Variants in PTBP2 observed in about 807,000 individuals in gnomAD.
PTBP2 encodes polypyrimidine tract-binding protein 2.
In PTBP2, 13 loss-of-function variants were observed where a neutral mutation model predicts 61.4. That is an observed-to-expected ratio of 0.21 (90% CI 0.14 to 0.34). PTBP2 has a LOEUF of 0.34. Ranked by LOEUF, PTBP2 falls within the 10% of genes least tolerant of loss-of-function variation. The probability of loss-of-function intolerance (pLI) is 1.00; values close to 1 mark genes in which losing one functional copy is unlikely to be tolerated. For missense variants in PTBP2, 405 were observed against 642.6 expected (o/e 0.63, Z 4.00); for synonymous variants, 215 against 218.5 (o/e 0.98, Z 0.14).
downstream of PTBP2, chr1:96,816,982 T>C (rs1046611603): frequency 6.6e-6 from 1 of 152,156 alleles, no homozygotes; most frequent in African/African-American, 2.4e-5. Flanking sequence ...TTTAAAATTA[T>C]TTACTAGTTT....
At chr1:96,743,699 T>C (rs1653358531) in intron 2 of PTBP2, among the ~76,000 whole-genome samples, 1 of 152,218 alleles carries the variant, frequency 6.6e-6, no homozygotes, top group Admixed American at 6.5e-5. Flanking sequence ...ACCTCCAGTA[T>C]AATCAATATG....
chr1:96,810,080 T>A (rs1046285598), intron 11 of PTBP2, among the ~76,000 whole-genome samples: 2 of 142,470 alleles, frequency 1.4e-5, no homozygotes, highest in Non-Finnish European at 3.0e-5. Flanking sequence ...CCACATCATA[T>A]AAACACCACT....
chr1:96,817,009 G>A (rs1443279249), downstream of PTBP2: 1 of 152,164 alleles, frequency 6.6e-6, no homozygotes, highest in Non-Finnish European at 1.5e-5. Flanking sequence ...GCAGAAAGAT[G>A]TAAAATGCAG....
chr1:96,739,618 G>GTTT (rs772410191), intron 2 of PTBP2, among the ~76,000 whole-genome samples: 8 of 83,800 alleles, frequency 9.5e-5, no homozygotes, highest in Non-Finnish European at 1.5e-4. Flanking sequence ...ACTGGTGTGT[G>GTTT]TTTTTTTTTT....
intron 8 of PTBP2, among the ~76,000 whole-genome samples, chr1:96,796,909 A>G (rs1660452789): frequency 6.6e-6 from 1 of 152,230 alleles, no homozygotes; most frequent in Non-Finnish European, 1.5e-5. Flanking sequence ...TTGAATGACC[A>G]TTACAAAAAG....
At chr1:96,748,436 AT>A (rs34168312) in intron 2 of PTBP2, among the ~76,000 whole-genome samples, 4 of 151,280 alleles carry the variant, frequency 2.6e-5, no homozygotes, top group Admixed American at 6.6e-5. Context: ...GCTTTTGCAC[AT>A]TTTTTTTTAA....
intron 3 of PTBP2, among the ~76,000 whole-genome samples, chr1:96,756,752 A>G (rs186839462): frequency 6.6e-6 from 1 of 152,320 alleles, no homozygotes; most frequent in Non-Finnish European, 1.5e-5. Context: ...GGAGACAGTA[A>G]AAATCAGTGG....
Position 96,751,477 on chromosome 1 carries a change from A to C in PTBP2, c.92A>C (p.Asn31Thr), listed in dbSNP as rs746830731. ...SGSVLSSPNS[N>T]MSSMVVTANG... ...AGTGTTCTCAGTAGTCCGAACTCTA[A>C]TATGAGCAGCATGGTAGTTACAGGT... The change falls in exon 3 of 14, where the codon AAT (asparagine) becomes ACT (threonine). Residue 31 changes from asparagine to threonine, a missense_variant. By Grantham distance (65) the Asn-to-Thr change is moderately conservative. This residue lies in a region of PTBP2 where 342 missense variants were observed against 491.2 expected (regional missense o/e 0.70). Transcript: ENST00000674951. The C allele has an allele frequency of 1.2e-6, 2 of 1,612,892 alleles. No individual in the cohort carries two copies. Among genetic ancestry groups the C allele is most frequent in the Admixed American group, 1.7e-5 (1 of 59,980 alleles).
intron 2 of PTBP2, among the ~76,000 whole-genome samples, chr1:96,741,323 T>G (rs1652988724): frequency 6.6e-6 from 1 of 152,100 alleles, no homozygotes; most frequent in Non-Finnish European, 1.5e-5. Context: ...GTGCAGTGGC[T>G]CGGTCACAGT....
At chr1:96,811,573 C>T (rs1025969492) in intron 11 of PTBP2, among the ~76,000 whole-genome samples, 6 of 152,110 alleles carry the variant, frequency 3.9e-5, no homozygotes, top group East Asian at 3.9e-4. Flanking sequence ...CGAGCCACCA[C>T]GCCCAGCTAA....
chr1:96,763,197 A>G (rs61786397), intron 3 of PTBP2, among the ~76,000 whole-genome samples: 12,943 of 152,130 alleles, frequency 0.085, 801 homozygotes, highest in Non-Finnish European at 0.13. Flanking sequence ...AGAGGCTGCA[A>G]TCTCGGCACT....
At chr1:96,822,988 T>C (rs745355550) in exon 14 of PTBP2, 1 of 148,942 alleles carries the variant, frequency 6.7e-6, no homozygotes, top group Non-Finnish European at 1.5e-5. Context: ...TGAGAGAGAG[T>C]CTTGCTCTGT....
intron 5 of PTBP2, among the ~76,000 whole-genome samples, chr1:96,776,939 T>C (rs1267089705): frequency 6.6e-6 from 1 of 151,990 alleles, no homozygotes; most frequent in East Asian, 1.9e-4. Context: ...CATAAAACAA[T>C]AGTGCATTTT....
At chr1:96,819,897 A>G (rs1662622768), downstream of PTBP2, 1 of 151,884 alleles carries the variant, frequency 6.6e-6, no homozygotes, top group Non-Finnish European at 1.5e-5. Flanking sequence ...GGAGATTTGT[A>G]GAATTCTAAA....
At chr1:96,739,618 G>GGTTTTTTTTTTTTTTTTTTTTTTTTTTTT (rs1232683663) in intron 2 of PTBP2, among the ~76,000 whole-genome samples, 1 of 83,802 alleles carries the variant, frequency 1.2e-5, no homozygotes. Flanking sequence ...ACTGGTGTGT[G>GGTTTTTTTTTTTTTTTTTTTTTTTTTTTT]TTTTTTTTTT....
chr1:96,772,364 T>G lies in PTBP2; in HGVS notation c.432+1513T>G, dbSNP rs148542607. Among the ~76,000 whole-genome samples the G allele has an allele frequency of 2.6e-5, 4 of 152,330 alleles. No individual in the cohort carries two copies. The East Asian group carries it at 7.7e-4, about 29-fold the overall frequency. On this transcript the variant is annotated intron_variant, in intron 5 of 13. Transcript: ENST00000674951. Reference sequence around the variant, plus strand: ...GGGCTGCCAGCCATCAGTCAACTCATTAGCATACAAAATATATCATTTTGG... The same window carrying G: ...GGGCTGCCAGCCATCAGTCAACTCAGTAGCATACAAAATATATCATTTTGG...
At position 96,813,422 on chromosome 1, in the gene PTBP2, A is replaced by T; in HGVS notation, c.*17A>T. 1 of 1,568,414 alleles carries T rather than the reference A, an allele frequency of 6.4e-7. No individual in the cohort carries two copies. The highest frequency in any genetic ancestry group is 1.2e-5 in the South Asian group (1 of 84,436). On this transcript the variant is annotated 3_prime_UTR_variant, in exon 14 of 14. Transcript: ENST00000674951. ...ACAATTTAAAAATGGGAAGATGAAG[A>T]TTGGGGGTGAATCACATTGTTCAAT...
downstream of PTBP2, chr1:96,818,050 A>T (rs1662547681): frequency 6.6e-6 from 1 of 152,074 alleles, no homozygotes; most frequent in African/African-American, 2.4e-5. Context: ...GAGCTATATC[A>T]TTGGTATTTT....
intron 8 of PTBP2, among the ~76,000 whole-genome samples, chr1:96,801,603 C>T (rs1196627571): frequency 6.6e-6 from 1 of 152,018 alleles, no homozygotes; most frequent in Admixed American, 6.6e-5. Context: ...ACCTGTAATC[C>T]CAGCACTTTG....
Sources: gnomAD v4.1 joint callset for allele counts (sites outside exome capture counted in the v4.1 genomes callset) on GRCh38, gnomAD v4.1.1 for gene constraint, gnomAD v4.1.1 regional missense constraint, MANE v1.5 for transcripts, NCBI Gene and HGNC (gene_info 2026-07-23, HGNC 2026-07-21) for gene names.